The following DEFB119 variants were observed in gnomAD, a reference collection of about 807,000 sequenced individuals.
The protein encoded by DEFB119 is beta-defensin 119.
A neutral mutation model predicts 2.5 loss-of-function variants in DEFB119; 3 were observed. The ratio of observed to expected loss-of-function variants is 1.19; its 90% CI spans 0.54 to 3.07. The LOEUF is 3.07. Ranked by LOEUF, DEFB119 falls within the 30% of genes most tolerant of loss-of-function variation. The pLI is 0.03. For synonymous variants in DEFB119, 29 were observed against 33.7 expected (o/e 0.86, Z 0.48); for missense variants, 113 against 101.1 (o/e 1.12, Z -0.50).
At position 31,377,379 on chromosome 20, in the gene DEFB119, T is replaced by C; in HGVS notation, c.122A>G (p.Lys41Arg). Residue 41 changes from lysine (K) to arginine (R), a missense_variant, in exon 2 of 2, where the codon AAG becomes AGG. Lys to Arg is a conservative substitution (Grantham distance 26). Transcript: ENST00000376321. ...GCAATAGAGGTAGGGCTGTTCGTTC[T>C]TTTTGCAAGAGGCCCTACAAATTCC... ...NSGICRASCKKNEQPYLYCRN... is the reference protein window; with the variant it reads ...NSGICRASCKRNEQPYLYCRN... 6.2e-7 allele frequency: 1 copy of C among 1,614,082 alleles called. No individual in the cohort carries two copies. Among genetic ancestry groups the C allele is most frequent in the Non-Finnish European group, 8.5e-7 (1 of 1,179,982 alleles).
chr20:31,389,835 ACCC>A (rs1451877861), intron 1 of DEFB119, among the ~76,000 whole-genome samples: 1 of 151,712 alleles, frequency 6.6e-6, no homozygotes. Context: ...ATCTAATCTA[ACCC>A]TAATCTAATC....
intron 1 of DEFB119, among the ~76,000 whole-genome samples, chr20:31,380,054 A>G (rs374660004): frequency 1.8e-4 from 28 of 152,036 alleles, no homozygotes; most frequent in African/African-American, 6.5e-4. Flanking sequence ...GCCCTGTTGT[A>G]ATTTGTCTTT....
At chr20:31,390,210 G>T (rs2122322850) in intron 1 of DEFB119, among the ~76,000 whole-genome samples, 1 of 151,960 alleles carries the variant, frequency 6.6e-6, no homozygotes, top group East Asian at 1.9e-4. Context: ...TACCACCCTG[G>T]CCCTCAAGCA....
chr20:31,382,607 C>T (rs1413963553), intron 1 of DEFB119, among the ~76,000 whole-genome samples: 1 of 152,234 alleles, frequency 6.6e-6, no homozygotes, highest in African/African-American at 2.4e-5. Flanking sequence ...CCACGTAGAC[C>T]TAACACAGTG....
At chr20:31,378,489 A>G in intron 1 of DEFB119, 1 of 1,558,910 alleles carries the variant, frequency 6.4e-7, no homozygotes, top group Non-Finnish European at 8.7e-7. Flanking sequence ...AGCAAAAATT[A>G]CTCATCATAC....
chr20:31,390,278 A>T, intron 1 of DEFB119, 145 bp downstream of exon 1: 2 of 787,928 alleles, frequency 2.5e-6, no homozygotes, highest in Non-Finnish European at 4.4e-6. Context: ...TCAGAGAGAG[A>T]TATTAACTTG....
At position 31,380,247 on chromosome 20, in the gene DEFB119, A is replaced by G. The variant is rs60165548; in HGVS notation, c.62-2808T>C. Among the ~76,000 whole-genome samples the G allele has an allele frequency of 6.2e-3, 947 of 152,156 alleles. 12 individuals are homozygous for G. Among genetic ancestry groups the G allele is most frequent in the African/African-American group, 0.022 (898 of 41,522 alleles). ...GAAATTTTATAGTTTTACATTTTAT[A>G]TTTAAATATATATTCCTTTAAAAAT... On this transcript the variant is annotated intron_variant, in intron 1 of 1. Coordinates refer to ENST00000376321, the MANE Select transcript of DEFB119 (RefSeq NM_153289.4).
At chr20:31,381,849 T>C (rs1986518212) in intron 1 of DEFB119, among the ~76,000 whole-genome samples, 2 of 151,416 alleles carry the variant, frequency 1.3e-5, no homozygotes, top group African/African-American at 4.9e-5. Context: ...AAAAAAGAAA[T>C]AGCCAATCAC....
At chr20:31,377,536 G>A in intron 1 of DEFB119, 97 bp from the exon 2 acceptor site, 4 of 1,309,986 alleles carry the variant, frequency 3.1e-6, no homozygotes, top group Non-Finnish European at 3.1e-6. Context: ...GGGGGAGCAG[G>A]GAGAAAACCT....
At chr20:31,384,787 G>A (rs1986630306) in intron 1 of DEFB119, among the ~76,000 whole-genome samples, 1 of 152,118 alleles carries the variant, frequency 6.6e-6, no homozygotes. Flanking sequence ...TTTTTCTAAT[G>A]TTCAGAAACA....
At chr20:31,384,835 T>G (rs1986633339) in intron 1 of DEFB119, among the ~76,000 whole-genome samples, 1 of 152,224 alleles carries the variant, frequency 6.6e-6, no homozygotes, top group Non-Finnish European at 1.5e-5. Flanking sequence ...ATGTGAGTGG[T>G]AAGAACAGTA....
At chr20:31,378,910 G>A (rs547063986) in intron 1 of DEFB119, among the ~76,000 whole-genome samples, 6 of 150,096 alleles carry the variant, frequency 4.0e-5, no homozygotes, top group East Asian at 2.0e-4. Context: ...AGGTAATTTG[G>A]AACAAATACC....
At chr20:31,382,891 T>C (rs143165077) in intron 1 of DEFB119, among the ~76,000 whole-genome samples, 20 of 152,306 alleles carry the variant, frequency 1.3e-4, no homozygotes, top group African/African-American at 3.1e-4. Flanking sequence ...TTCAAATAAT[T>C]ACACAATAAC....
intron 1 of DEFB119, among the ~76,000 whole-genome samples, chr20:31,388,663 ACT>A (rs1404199896): frequency 6.6e-6 from 1 of 151,710 alleles, no homozygotes; most frequent in Non-Finnish European, 1.5e-5. Flanking sequence ...AGCCCCATCC[ACT>A]CTCAGCCCAT....
intron 1 of DEFB119, among the ~76,000 whole-genome samples, chr20:31,384,947 A>G (rs976745413): frequency 1.3e-5 from 2 of 152,188 alleles, no homozygotes; most frequent in Non-Finnish European, 2.9e-5. Flanking sequence ...ACACCATCCC[A>G]ACTGAATTTA....
At chr20:31,382,287 T>C (rs1986531321) in intron 1 of DEFB119, among the ~76,000 whole-genome samples, 1 of 152,014 alleles carries the variant, frequency 6.6e-6, no homozygotes, top group South Asian at 2.1e-4. Context: ...TATAGAGAGA[T>C]TAAAAAAACA....
chr20:31,383,896 TA>T (rs1309906419), intron 1 of DEFB119, among the ~76,000 whole-genome samples: 1 of 152,144 alleles, frequency 6.6e-6, no homozygotes, highest in Non-Finnish European at 1.5e-5. Context: ...GATGGTTTTA[TA>T]AAGGGCAGTT....
At position 31,377,420 on chromosome 20, in the gene DEFB119, T is replaced by C; in HGVS notation, c.81A>G (p.Arg27=). Residue 27 remains arginine (R), a synonymous_variant, in exon 2 of 2, where the codon CGA becomes CGG. Transcript: ENST00000376321. ...TACAAATTCCACTGTTACCCATGCA[T>C]CGAAGGATGTGGCGTTTGCCTGCCA... ...PVISGKRHIL[R]CMGNSGICRA... is the part of the protein sequence containing the mutation. The C allele has an allele frequency of 6.2e-7, 1 of 1,612,922 alleles. No homozygotes were observed. The highest frequency in any genetic ancestry group is 8.5e-7 in the Non-Finnish European group (1 of 1,179,518).
At chr20:31,378,528 GAAAA>G in intron 1 of DEFB119, 1 of 1,369,346 alleles carries the variant, frequency 7.3e-7, no homozygotes, top group African/African-American at 1.5e-5. Context: ...TAACTTTAAT[GAAAA>G]AAAAGACAAT....
Sources: allele counts gnomAD v4.1 joint callset (sites outside exome capture counted in the v4.1 genomes callset), GRCh38; gene constraint gnomAD v4.1.1; transcripts MANE v1.5; gene names NCBI Gene and HGNC (gene_info 2026-07-23, HGNC 2026-07-21).